TENM3: variants seen among roughly 807,000 people sequenced by gnomAD.
The protein encoded by TENM3 is teneurin transmembrane protein 3.
TENM3 carries 63 observed loss-of-function variants against 255.1 expected under a neutral mutation model. The observed-to-expected ratio is 0.25, with a 90% CI of 0.20 to 0.30. The LOEUF (loss-of-function observed/expected upper bound fraction) is 0.30. TENM3 is among the 10% of genes least tolerant of loss of function. The probability of loss-of-function intolerance (pLI) is 1.00; values close to 1 mark genes in which losing one functional copy is unlikely to be tolerated. For missense variants in TENM3, 2,929 were observed against 3,461.1 expected, an observed-to-expected ratio of 0.85 and a Z score of 3.86; for synonymous variants, 1,306 against 1,322.3, an observed-to-expected ratio of 0.99 and a Z score of 0.27.
At chr4:182,648,991 T>A (rs923579537) in intron 5 of TENM3, among the ~76,000 whole-genome samples, 8 of 152,164 alleles carry the variant, frequency 5.3e-5, no homozygotes, top group African/African-American at 1.9e-4. Flanking sequence ...GATGTCCAGT[T>A]TGGGGTTGTT....
intron 1 of TENM3, chr4:182,169,183 A>T (rs1469467367): frequency 2.2e-6 from 1 of 451,062 alleles, no homozygotes; most frequent in African/African-American, 2.0e-5. Context: ...AATTAATGAG[A>T]TTAATTCATA....
intron 1 of TENM3, among the ~76,000 whole-genome samples, chr4:182,232,709 A>G (rs905841020): frequency 1.7e-4 from 26 of 152,202 alleles, no homozygotes; most frequent in South Asian, 4.1e-4. Context: ...AAAAAGACAT[A>G]TATACATGAA....
At chr4:182,012,127 C>T in the TENM3 span, among the ~76,000 whole-genome samples, 1 of 152,196 alleles carries the variant, frequency 6.6e-6, no homozygotes, top group African/African-American at 2.4e-5. Flanking sequence ...GACAAGCAAT[C>T]TCCACTGTGT....
At chr4:181,725,590 C>T in the TENM3 span, among the ~76,000 whole-genome samples, 3 of 151,924 alleles carry the variant, frequency 2.0e-5, no homozygotes, top group Non-Finnish European at 4.4e-5. Context: ...AGGTGCCCAC[C>T]ACCACACCCA....
chr4:181,728,286 G>A, the TENM3 span, among the ~76,000 whole-genome samples: 275 of 152,244 alleles, frequency 1.8e-3, no homozygotes, highest in Non-Finnish European at 2.8e-3. Context: ...CTAGGATCTC[G>A]CACAAGAAAG....
chr4:182,174,508 A>ACACG lies in TENM3; in HGVS notation c.-76+29757_-76+29758insGCAC, dbSNP rs1419005793. Among the ~76,000 whole-genome samples the ACACG allele has an allele frequency of 4.1e-5, 6 of 146,724 alleles. No individual in the cohort carries two copies. In the East Asian group the frequency reaches 1.2e-3, roughly 29 times the overall value. ...AGCTTCCTTAGCTACTAATTCACACACACACACACACACACACACACACAA... is the reference window on the plus strand; with the variant it reads ...AGCTTCCTTAGCTACTAATTCACACACACGCACACACACACACACACACACACAA... On this transcript the variant is annotated intron_variant, in intron 1 of 2. Transcript: ENST00000512480.
the TENM3 span, among the ~76,000 whole-genome samples, chr4:182,067,603 AC>A: frequency 6.6e-6 from 1 of 152,132 alleles, no homozygotes; most frequent in African/African-American, 2.4e-5. Flanking sequence ...GATAGAGGAA[AC>A]CCCAAGTGGG....
chr4:182,459,726 G>C (rs1774183446), intron 3 of TENM3, among the ~76,000 whole-genome samples: 1 of 151,970 alleles, frequency 6.6e-6, no homozygotes, highest in Non-Finnish European at 1.5e-5. Context: ...TTCATGCTGA[G>C]ATATCAGTAT....
intron 1 of TENM3, among the ~76,000 whole-genome samples, chr4:182,160,893 C>A (rs1203426254): frequency 7.1e-6 from 1 of 141,372 alleles, no homozygotes; most frequent in East Asian, 2.0e-4. Flanking sequence ...CTGATACATC[C>A]TTCCGTAATG....
the TENM3 span, among the ~76,000 whole-genome samples, chr4:181,625,813 CAAA>C: frequency 6.9e-6 from 1 of 144,588 alleles, no homozygotes; most frequent in Non-Finnish European, 1.5e-5. Flanking sequence ...GACTCTGTCT[CAAA>C]AAAAAATAAT....
chr4:181,889,630 A>T, the TENM3 span, among the ~76,000 whole-genome samples: 5 of 152,282 alleles, frequency 3.3e-5, no homozygotes, highest in South Asian at 1.0e-3. Flanking sequence ...TTATAAAATA[A>T]TCCTCAAATT....
At chr4:182,631,006 C>G (rs966544589) in intron 5 of TENM3, among the ~76,000 whole-genome samples, 2 of 152,090 alleles carry the variant, frequency 1.3e-5, no homozygotes, top group Non-Finnish European at 2.9e-5. Flanking sequence ...GAGACTTGTA[C>G]TCTTTTTAAG....
At chr4:182,072,884 G>A in the TENM3 span, among the ~76,000 whole-genome samples, 1 of 152,142 alleles carries the variant, frequency 6.6e-6, no homozygotes, top group South Asian at 2.1e-4. Context: ...CAACATGACA[G>A]TATTTGGAAA....
At chr4:181,622,366 C>T in the TENM3 span, among the ~76,000 whole-genome samples, 1 of 152,040 alleles carries the variant, frequency 6.6e-6, no homozygotes, top group Non-Finnish European at 1.5e-5. Flanking sequence ...TTCTTGAAAC[C>T]TTCTTCTTAT....
the TENM3 span, among the ~76,000 whole-genome samples, chr4:181,968,773 T>C: frequency 2.0e-5 from 3 of 152,196 alleles, no homozygotes; most frequent in East Asian, 1.9e-4. Flanking sequence ...TAGTTAACAA[T>C]AGTGTATTGT....
chr4:182,592,893 G>A (rs1360670550), intron 3 of TENM3, among the ~76,000 whole-genome samples: 1 of 152,200 alleles, frequency 6.6e-6, no homozygotes, highest in Non-Finnish European at 1.5e-5. Context: ...ACACAGAAAT[G>A]AAGACTTTAA....
intron 1 of TENM3, among the ~76,000 whole-genome samples, chr4:182,307,597 A>G (rs1035979191): frequency 1.3e-5 from 2 of 152,232 alleles, no homozygotes; most frequent in African/African-American, 2.4e-5. Flanking sequence ...ATTAATTGAT[A>G]TCATAACTAT....
the TENM3 span, among the ~76,000 whole-genome samples, chr4:181,670,018 A>G: frequency 6.6e-6 from 1 of 152,214 alleles, no homozygotes; most frequent in South Asian, 2.1e-4. Context: ...AATTTTAGCT[A>G]TGAAATTTTA....
chr4:182,709,592 T>C (rs1758597857), intron 12 of TENM3, among the ~76,000 whole-genome samples: 1 of 152,216 alleles, frequency 6.6e-6, no homozygotes, highest in African/African-American at 2.4e-5. Context: ...TTTATATTGT[T>C]GCAATTATTA....
Sources: gnomAD v4.1 joint callset for allele counts (sites outside exome capture counted in the v4.1 genomes callset) on GRCh38, gnomAD v4.1.1 for gene constraint, MANE v1.5 for transcripts, NCBI Gene and HGNC (gene_info 2026-07-23, HGNC 2026-07-21) for gene names.